Variants in FOXP1 observed in about 807,000 individuals in gnomAD.
FOXP1 encodes forkhead box protein P1.
Under a neutral mutation model 98.2 loss-of-function variants are expected in FOXP1, and 15 were observed. That is an observed-to-expected ratio of 0.15 (90% confidence interval 0.10 to 0.24). The LOEUF (loss-of-function observed/expected upper bound fraction) is 0.24. Among genes scored for constraint, FOXP1 ranks in the 10% least tolerant of loss-of-function variants. FOXP1 has a pLI of 1.00. For synonymous variants in FOXP1, 371 were observed against 314.5 expected, an observed-to-expected ratio of 1.18 and a Z score of -1.90; for missense variants, 633 against 848.5, an observed-to-expected ratio of 0.75 and a Z score of 3.15.
intron 2 of FOXP1, among the ~76,000 whole-genome samples, chr3:71,556,116 C>T (rs992062640): frequency 5.3e-5 from 8 of 151,964 alleles, no homozygotes; most frequent in African/African-American, 9.6e-5. Context: ...AAGTCTATAA[C>T]GTAAAAAGAC....
At chr3:71,032,758 G>A (rs1020395394) in intron 11 of FOXP1, among the ~76,000 whole-genome samples, 1 of 152,128 alleles carries the variant, frequency 6.6e-6, no homozygotes, top group Non-Finnish European at 1.5e-5. Context: ...CATGACATCC[G>A]CTTAAGTCTC....
intron 7 of FOXP1, among the ~76,000 whole-genome samples, chr3:71,080,426 A>G (rs984202812): frequency 6.6e-6 from 1 of 152,246 alleles, no homozygotes; most frequent in Non-Finnish European, 1.5e-5. Context: ...AAGCTACAAG[A>G]TGCAACTGTG....
chr3:71,267,064 G>A (rs968042292), intron 5 of FOXP1, among the ~76,000 whole-genome samples: 10 of 151,678 alleles, frequency 6.6e-5, no homozygotes, highest in African/African-American at 2.4e-4. Flanking sequence ...TACATCAGAA[G>A]TAATGTTTTG....
At chr3:71,540,790 G>A (rs1237016597) in intron 2 of FOXP1, among the ~76,000 whole-genome samples, 5 of 152,128 alleles carry the variant, frequency 3.3e-5, no homozygotes, top group South Asian at 2.1e-4. Flanking sequence ...AGACATACAC[G>A]CATATTGTGT....
At chr3:71,107,982 G>C (rs946038671) in intron 7 of FOXP1, among the ~76,000 whole-genome samples, 2 of 152,112 alleles carry the variant, frequency 1.3e-5, no homozygotes, top group African/African-American at 4.8e-5. Context: ...CTTCTAAGTG[G>C]GTTTCACTTT....
At chr3:71,079,955 G>A (rs1559886128) in intron 7 of FOXP1, among the ~76,000 whole-genome samples, 1 of 152,210 alleles carries the variant, frequency 6.6e-6, no homozygotes. Context: ...CACAGAACCA[G>A]CATTTAAAAA....
intron 6 of FOXP1, among the ~76,000 whole-genome samples, chr3:71,184,458 C>G (rs934421625): frequency 3.9e-5 from 6 of 152,150 alleles, no homozygotes; most frequent in African/African-American, 1.4e-4. Context: ...GTGTGTAAAT[C>G]TGGTGTTTAC....
At chr3:71,124,888 T>C (rs1445271839) in intron 6 of FOXP1, among the ~76,000 whole-genome samples, 3 of 152,246 alleles carry the variant, frequency 2.0e-5, no homozygotes, top group African/African-American at 7.2e-5. Context: ...TCGTCCTCTT[T>C]ACAGAAACAC....
At chr3:71,578,344 T>TGCA (rs1291413763) in intron 2 of FOXP1, among the ~76,000 whole-genome samples, 2 of 152,210 alleles carry the variant, frequency 1.3e-5, no homozygotes, top group East Asian at 3.8e-4. Flanking sequence ...AAATTTATAC[T>TGCA]ATGTTCTGAC....
chr3:71,507,072 C>T (rs1438309221), intron 2 of FOXP1, among the ~76,000 whole-genome samples: 1 of 152,202 alleles, frequency 6.6e-6, no homozygotes, highest in East Asian at 1.9e-4. Context: ...CTGCTCTCTC[C>T]TCTCTCAAAT....
At chr3:71,510,726 G>GA (rs2042145458) in intron 2 of FOXP1, among the ~76,000 whole-genome samples, 1 of 152,192 alleles carries the variant, frequency 6.6e-6, no homozygotes, top group Admixed American at 6.5e-5. Context: ...AGCAGACCCA[G>GA]CCATTGCTCA....
At chr3:71,029,942 ATATT>A (rs2046648402) in intron 11 of FOXP1, among the ~76,000 whole-genome samples, 1 of 152,206 alleles carries the variant, frequency 6.6e-6, no homozygotes, top group African/African-American at 2.4e-5. Context: ...CAATAAGTTA[ATATT>A]TATTGAGGAC....
chr3:71,416,089 A>G (rs2083190052), intron 3 of FOXP1, among the ~76,000 whole-genome samples: 1 of 152,216 alleles, frequency 6.6e-6, no homozygotes, highest in Non-Finnish European at 1.5e-5. Flanking sequence ...AACACAACAG[A>G]AAGAACCTGT....
At chr3:71,046,022 T>C (rs559787688) in intron 10 of FOXP1, among the ~76,000 whole-genome samples, 3 of 152,142 alleles carry the variant, frequency 2.0e-5, no homozygotes, top group Admixed American at 6.6e-5. Flanking sequence ...GATGGAGGAA[T>C]TGTGTTTCAA....
intron 6 of FOXP1, among the ~76,000 whole-genome samples, chr3:71,188,750 T>A (rs1165320561): frequency 6.6e-6 from 1 of 152,192 alleles, no homozygotes; most frequent in East Asian, 1.9e-4. Context: ...GACAACTCAG[T>A]TGTGTTTGTG....
chr3:71,014,997 G>A (rs1184526632), intron 12 of FOXP1, among the ~76,000 whole-genome samples: 1 of 151,920 alleles, frequency 6.6e-6, no homozygotes, highest in Admixed American at 6.6e-5. Flanking sequence ...GTCGTGGGGT[G>A]GGGGGAGAGG....
intron 3 of FOXP1, among the ~76,000 whole-genome samples, chr3:71,438,529 G>A (rs141993442): frequency 6.6e-6 from 1 of 152,006 alleles, no homozygotes; most frequent in East Asian, 1.9e-4. Context: ...AGCACAGTAG[G>A]GATTTCGACT....
At chr3:71,170,091 A>G (rs73839419) in intron 6 of FOXP1, among the ~76,000 whole-genome samples, 1,680 of 152,338 alleles carry the variant, frequency 0.011, 24 homozygotes, top group African/African-American at 0.038. Flanking sequence ...ACTGGTAATC[A>G]GCACAATCGT....
intron 3 of FOXP1, among the ~76,000 whole-genome samples, chr3:71,435,997 A>AGGGC: frequency 6.6e-6 from 1 of 150,504 alleles, no homozygotes; most frequent in Non-Finnish European, 1.5e-5. Flanking sequence ...GGAGGGAGGG[A>AGGGC]GGATAGAAGG....
Sources: gnomAD v4.1 joint callset for allele counts (sites outside exome capture counted in the v4.1 genomes callset) on GRCh38, gnomAD v4.1.1 for gene constraint, MANE v1.5 for transcripts, NCBI Gene and HGNC (gene_info 2026-07-23, HGNC 2026-07-21) for gene names.